The following ITGA2B variants were observed in gnomAD, a reference collection of about 807,000 sequenced individuals.
ITGA2B encodes the protein integrin subunit alpha 2b, also known as integrin alpha-IIb.
ITGA2B carries 91 observed loss-of-function variants against 142.0 expected under a neutral mutation model. That is an observed-to-expected ratio of 0.64 (90% confidence interval 0.54 to 0.76). The LOEUF is 0.76. ITGA2B is among the 30% of genes least tolerant of loss of function. The probability of loss-of-function intolerance (pLI) is 0.00; values close to 1 mark genes in which losing one functional copy is unlikely to be tolerated. For missense variants in ITGA2B, 1,231 were observed against 1,350.8 expected (o/e 0.91, Z 1.39); for synonymous variants, 536 against 567.2 (o/e 0.94, Z 0.78).
chr17:44,378,237 A>T, intron 20 of ITGA2B, 125 bp downstream of exon 20: 1 of 1,273,322 alleles, frequency 7.9e-7, no homozygotes, highest in Non-Finnish European at 1.0e-6. Context: ...TTAAAAAAAA[A>T]ATAAAAAATT....
At position 44,372,251 on chromosome 17, in the gene ITGA2B, C is replaced by G. The variant is rs541282501; in HGVS notation, c.*113G>C. 1 of 1,070,546 alleles carries G rather than the reference C, an allele frequency of 9.3e-7. No homozygotes were observed. The highest frequency in any genetic ancestry group is 1.6e-5 in the African/African-American group (1 of 64,062). The allele number at this position is 1,070,546 out of a possible 1,614,324, so 66.3% of individuals were successfully genotyped here. On this transcript the variant is annotated 3_prime_UTR_variant, in exon 30 of 30. Coordinates refer to ENST00000262407, the MANE Select transcript of ITGA2B (RefSeq NM_000419.5). Reference sequence around the variant, plus strand: ...AGCTCTGTTGGGAGGGAAACGACACCAAGAGGACCCAATGGAACAGCTCCA... The same window carrying G: ...AGCTCTGTTGGGAGGGAAACGACACGAAGAGGACCCAATGGAACAGCTCCA...
intron 7 of ITGA2B, 99 bp downstream of exon 7, chr17:44,384,849 G>T: frequency 6.3e-7 from 1 of 1,582,850 alleles, no homozygotes; most frequent in Non-Finnish European, 8.7e-7. Context: ...TGGGTTGGCC[G>T]GCAGGGGTGG....
chr17:44,386,077 C>T lies in ITGA2B; in HGVS notation c.243G>A (p.Thr81=), dbSNP rs1001811356. The T allele has an allele frequency of 1.8e-5, 29 of 1,611,098 alleles. No homozygotes were observed. Among genetic ancestry groups the T allele is most frequent in the Non-Finnish European group, 2.3e-5 (27 of 1,179,648 alleles). Residue 81 remains threonine (T), a synonymous_variant, in exon 2 of 30, where the codon ACG becomes ACA. Coordinates refer to ENST00000262407, the MANE Select transcript of ITGA2B (RefSeq NM_000419.5). ...PRTLGPSQEE[T]GGVFLCPWRA... ...TCCAGGGGCACAGGAACACGCCGCC[C>T]GTCTCCTCCTGGCTGGGGCCCAGGG...
intron 12 of ITGA2B, among the ~76,000 whole-genome samples, chr17:44,381,948 C>T (rs1171179068): frequency 6.6e-6 from 1 of 152,056 alleles, no homozygotes; most frequent in Non-Finnish European, 1.5e-5. Flanking sequence ...TATTTCTAGC[C>T]TTCTCCATTC....
rs1172271185 is a variant in ITGA2B, at chr17:44,380,480, C to T, written c.1450G>A (p.Val484Met). ...NQVAVYRAQP[V>M]VKASVQLLVQ... ...AGTAGCTGGACAGAGGCCTTCACCA[C>T]TGGCTGAGCTCTGATGGGATAGGGT... Residue 484 changes from valine (V) to methionine (M), a missense_variant, in exon 15 of 30, where the codon GTG (valine) becomes ATG (methionine). This residue lies in a region of ITGA2B where 908 missense variants were observed against 1,021.1 expected (regional missense o/e 0.89). Coordinates refer to ENST00000262407, the MANE Select transcript of ITGA2B (RefSeq NM_000419.5). 1 of 1,614,054 alleles carries T rather than the reference C, an allele frequency of 6.2e-7. No individual in the cohort carries two copies. The highest frequency in any genetic ancestry group is 1.7e-5 in the Admixed American group (1 of 60,004).
intron 23 of ITGA2B, 38 bp from the exon 24 acceptor site, chr17:44,376,222 C>G: frequency 6.2e-7 from 1 of 1,613,622 alleles, no homozygotes; most frequent in South Asian, 1.1e-5. Context: ...AGTGTGATGC[C>G]CTGATTGGCC....
At chr17:44,382,636 C>T (rs1313254291) in intron 12 of ITGA2B, among the ~76,000 whole-genome samples, 1 of 152,132 alleles carries the variant, frequency 6.6e-6, no homozygotes, top group Non-Finnish European at 1.5e-5. Context: ...CTTCAATTTC[C>T]CAAGTAGCTG....
rs1272884135 is a variant in ITGA2B at position 44,377,051 on chromosome 17, T to C, written c.2225A>G (p.Glu742Gly). The C allele has an allele frequency of 1.9e-6, 3 of 1,592,448 alleles. No individual in the cohort carries two copies. Among genetic ancestry groups the C allele is most frequent in the Admixed American group, 1.8e-5 (1 of 56,976 alleles). ...IAMLVSVGNL[E>G]EAGESVSFQL... ...GAAGGACACAGACTCCCCAGCCTCT[T>C]CCAGATTCCCCACGCTCACCAACAT... Residue 742 changes from glutamate (E) to glycine (G), a missense_variant, in exon 22 of 30, where the codon GAA (glutamate) becomes GGA (glycine). By Grantham distance (98) the Glu-to-Gly change is moderately conservative. This residue lies in a region of ITGA2B where 908 missense variants were observed against 1,021.1 expected (regional missense o/e 0.89). Coordinates refer to ENST00000262407, the MANE Select transcript of ITGA2B (RefSeq NM_000419.5).
intron 17 of ITGA2B, 68 bp from the exon 18 acceptor site, chr17:44,379,882 C>T (rs2048578758): frequency 1.2e-5 from 20 of 1,612,524 alleles, no homozygotes; most frequent in East Asian, 4.5e-5. Flanking sequence ...GGCCAGTAGG[C>T]ACCGTGTCCT....
rs1555613626 is a variant in ITGA2B, at chr17:44,377,790, C to T, written c.2095G>A (p.Gly699Ser). The change falls in exon 21 of 30, where the codon GGC becomes AGC. Residue 699 changes from glycine to serine, a missense_variant and splice_region_variant. Coordinates refer to ENST00000262407, the MANE Select transcript of ITGA2B (RefSeq NM_000419.5). ...TGATTACAGATGAGTCTCTCAAAGC[C>T]CTTCAGGAAGGCAGTTCCAAGAAAG... The part of the protein sequence containing the change: ...HYMRALSNVE[G>S]FERLICNQKK... 3 of 1,611,222 alleles carry T rather than the reference C, an allele frequency of 1.9e-6. No individual in the cohort carries two copies. The highest frequency in any genetic ancestry group is 2.5e-6 in the Non-Finnish European group (3 of 1,177,810).
intron 1 of ITGA2B, 67 bp from the exon 2 acceptor site, chr17:44,386,198 G>A (rs964362107): frequency 1.6e-5 from 25 of 1,538,982 alleles, no homozygotes; most frequent in Admixed American, 1.4e-4. Flanking sequence ...CGCCGGCGCT[G>A]GGAGCACTGC....
At chr17:44,378,294 G>T in intron 20 of ITGA2B, 68 bp downstream of exon 20, 2 of 1,546,488 alleles carry the variant, frequency 1.3e-6, no homozygotes, top group Non-Finnish European at 8.8e-7. Flanking sequence ...CTCAGGGAGG[G>T]AGATGAGAGA....
chr17:44,383,947 C>T lies in ITGA2B; in HGVS notation c.946-1G>A. The T allele has an allele frequency of 6.2e-7, 1 of 1,614,084 alleles. No individual in the cohort carries two copies. The highest frequency in any genetic ancestry group is 1.1e-5 in the South Asian group (1 of 91,078). On this transcript the variant is annotated splice_acceptor_variant, in intron 10 of 29. Transcript: ENST00000262407. LOFTEE classifies it high-confidence loss of function. ...CTGAATGCCCAAAATACGACGCCATCTGCAAGATGAGGAGCACCATCATTC... is the reference window on the plus strand; with the variant it reads ...CTGAATGCCCAAAATACGACGCCATTTGCAAGATGAGGAGCACCATCATTC...
chr17:44,384,023 A>G (rs1170202380), intron 10 of ITGA2B, 62 bp downstream of exon 10: 4 of 1,613,572 alleles, frequency 2.5e-6, no homozygotes, highest in Non-Finnish European at 3.4e-6. Flanking sequence ...ACCTCCCATG[A>G]AATATTCTGA....
In ITGA2B at chr17:44,376,032, C is replaced by A. The variant is rs200370220; in HGVS notation, c.2449-47G>T. Reference sequence around the variant, plus strand: ...GGTGTGGGGAGCTTAGCGCCTCACCCGGAGTTCTGAGGACCCGCTCACCCC... The same window carrying A: ...GGTGTGGGGAGCTTAGCGCCTCACCAGGAGTTCTGAGGACCCGCTCACCCC... On this transcript the variant is annotated intron_variant, in intron 24 of 29. Coordinates refer to ENST00000262407, the MANE Select transcript of ITGA2B (RefSeq NM_000419.5). 2,434 of 1,613,970 alleles carry A rather than the reference C, an allele frequency of 1.5e-3. 12 individuals are homozygous for A. Among genetic ancestry groups the A allele is most frequent in the Non-Finnish European group, 1.7e-3 (1,973 of 1,179,972 alleles).
chr17:44,383,530 G>A lies in ITGA2B; in HGVS notation c.1173C>T (p.Ile391=), dbSNP rs1244643857. The change falls in exon 12 of 30, where the codon ATC becomes ATT. Residue 391 remains isoleucine, a synonymous_variant. Coordinates refer to ENST00000262407, the MANE Select transcript of ITGA2B (RefSeq NM_000419.5). ...TQLYGRFGSA[I]APLGDLDRDG... is the part of the protein sequence containing the mutation. ...CCCGGTCGAGGTCGCCCAGGGGTGC[G>A]ATGGCAGAGCCGAATCGCCCATAGA... 9.9e-6 allele frequency: 16 copies of A among 1,611,120 alleles called. No homozygotes were observed. The highest frequency in any genetic ancestry group is 2.2e-5 in the East Asian group (1 of 44,870).
intron 22 of ITGA2B, 83 bp from the exon 23 acceptor site, chr17:44,376,471 G>T: frequency 8.1e-7 from 1 of 1,238,660 alleles, no homozygotes; most frequent in Non-Finnish European, 1.2e-6. Context: ...ATTTTAGAGA[G>T]TTCAGAGAGA....
chr17:44,381,088 G>T (rs751274061), intron 12 of ITGA2B, 27 bp from the exon 13 acceptor site: 8 of 1,609,032 alleles, frequency 5.0e-6, no homozygotes, highest in Non-Finnish European at 6.8e-6. Flanking sequence ...AAAGGAAGTG[G>T]CTGATTGTTA....
rs2143429292 is a variant in ITGA2B at position 44,374,699 on chromosome 17, TA to T, written c.2902del (p.Tyr968MetfsTer?). On this transcript the variant is annotated frameshift_variant, in exon 28 of 30. Transcript: ENST00000262407. LOFTEE classifies it high-confidence loss of function. ...GGGCAGGCTGAGCGGGGGCACCGCA[TA>T]GGGGAGGGAGGACACGTTGAACCAT... Reference protein sequence around the residue: ...HAWFNVSSLPYAVPPLSLPRG... With the variant: ...HAWFNVSSLPXAVPPLSLPRG... 6.2e-7 allele frequency: 1 copy of T among 1,613,862 alleles called. No individual in the cohort carries two copies. The highest frequency in any genetic ancestry group is 8.5e-7 in the Non-Finnish European group (1 of 1,179,908).
Sources: gnomAD v4.1 joint callset for allele counts (sites outside exome capture counted in the v4.1 genomes callset) on GRCh38, gnomAD v4.1.1 for gene constraint, gnomAD v4.1.1 regional missense constraint, MANE v1.5 for transcripts, NCBI Gene and HGNC (gene_info 2026-07-23, HGNC 2026-07-21) for gene names.